Variants in NCKAP1 observed in about 807,000 individuals in gnomAD.
NCKAP1 encodes the protein nck-associated protein 1.
A neutral mutation model predicts 151.2 loss-of-function variants in NCKAP1; 21 were observed. The observed-to-expected ratio is 0.14, with a 90% CI of 0.10 to 0.20. The LOEUF (loss-of-function observed/expected upper bound fraction) is 0.20. Among genes scored for constraint, NCKAP1 ranks in the 10% least tolerant of loss-of-function variants. The probability of loss-of-function intolerance (pLI) is 1.00; values close to 1 mark genes in which losing one functional copy is unlikely to be tolerated. For synonymous variants in NCKAP1, 484 were observed against 451.8 expected, an observed-to-expected ratio of 1.07 and a Z score of -0.90; for missense variants, 933 against 1,352.1, an observed-to-expected ratio of 0.69 and a Z score of 4.86.
intron 2 of NCKAP1, among the ~76,000 whole-genome samples, chr2:183,004,689 GC>G (rs917517703): frequency 3.9e-4 from 60 of 152,040 alleles, no homozygotes; most frequent in African/African-American, 1.4e-3. Context: ...TTCGAGACCA[GC>G]CTGACCAACA....
rs562302275 is a variant in NCKAP1 at position 182,917,371 on chromosome 2, G to C, written c.*8331C>G. Reference sequence around the variant, plus strand: ...ATAAACATAAGATCAGCATATATGCGGCAACACAGCACAGTGGAAGGAACA... The same window carrying C: ...ATAAACATAAGATCAGCATATATGCCGCAACACAGCACAGTGGAAGGAACA... On this transcript the variant is annotated 3_prime_UTR_variant, in exon 31 of 31. Transcript: ENST00000361354. 1 of 152,032 alleles carries C rather than the reference G, an allele frequency of 6.6e-6. No homozygotes were observed. The highest frequency in any genetic ancestry group is 2.4e-5 in the African/African-American group (1 of 41,394). The allele number at this position is 152,032 out of a possible 1,614,324, so 9.4% of individuals were successfully genotyped here. A position where few individuals can be genotyped will look rare whatever the true frequency, so the allele number is the denominator to read the frequency against.
At chr2:182,975,052 C>T (rs1697777191) in intron 15 of NCKAP1, among the ~76,000 whole-genome samples, 1 of 152,132 alleles carries the variant, frequency 6.6e-6, no homozygotes, top group Non-Finnish European at 1.5e-5. Flanking sequence ...TTGGTTTAGG[C>T]ACTCCTATAA....
chr2:182,925,344 A>G lies in NCKAP1; in HGVS notation c.*358T>C, dbSNP rs4666601. 145,161 of 153,692 alleles carry G rather than the reference A, an allele frequency of 0.94. 68,665 individuals are homozygous for G. The highest frequency in any genetic ancestry group is 0.99 in the East Asian group (5,215 of 5,246). 9.5% of individuals were successfully genotyped at this position (153,692 alleles called of 1,614,324 possible). ...TGAAATAATTTACACACAGATGAAT[A>G]CTATAATATCACTATCTAAAATAAT... On this transcript the variant is annotated 3_prime_UTR_variant, in exon 31 of 31. Transcript: ENST00000361354.
rs142045599 is a variant in NCKAP1, at chr2:182,967,853, T to C, written c.1483-492A>G. Among the ~76,000 whole-genome samples the C allele has an allele frequency of 1.9e-3, 296 of 152,202 alleles. 1 individual carries two copies. The highest frequency in any genetic ancestry group is 6.2e-3 in the African/African-American group (257 of 41,532). On this transcript the variant is annotated intron_variant, in intron 15 of 30. Transcript: ENST00000361354. ...AGAAAAGTACTGAAGATAGTAAAAATTGGTGTAGTTTGGCCAAAAAAGTGA... is the reference window on the plus strand; with the variant it reads ...AGAAAAGTACTGAAGATAGTAAAAACTGGTGTAGTTTGGCCAAAAAAGTGA...
At chr2:183,027,705 A>T (rs1559111971) in intron 1 of NCKAP1, among the ~76,000 whole-genome samples, 1 of 152,162 alleles carries the variant, frequency 6.6e-6, no homozygotes, top group Non-Finnish European at 1.5e-5. Flanking sequence ...AAAATTTTTA[A>T]AAAAACTTTA....
intron 28 of NCKAP1, among the ~76,000 whole-genome samples, chr2:182,928,477 C>G (rs148609047): frequency 2.7e-3 from 414 of 152,180 alleles, no homozygotes; most frequent in East Asian, 0.019. Flanking sequence ...AAAGAAATCA[C>G]ACATCAGTTT....
In NCKAP1 at chr2:182,920,238, T is replaced by C. The variant is rs1298660989; in HGVS notation, c.*5464A>G. On this transcript the variant is annotated 3_prime_UTR_variant, in exon 31 of 31. Transcript: ENST00000361354. The stretch of plus-strand genomic sequence containing the variant: ...ATACCTCTGGCTCCGCCTCTCAAAG[T>C]GTTGGGATTACAGGCGTGAACCACT... The C allele has an allele frequency of 1.3e-5, 2 of 152,188 alleles. No individual in the cohort carries two copies. Among genetic ancestry groups the C allele is most frequent in the African/African-American group, 2.4e-5 (1 of 41,390 alleles). 9.4% of individuals were successfully genotyped at this position (152,188 alleles called of 1,614,324 possible). A position where few individuals can be genotyped will look rare whatever the true frequency, so the allele number is the denominator to read the frequency against.
At chr2:182,954,982 G>A (rs4591313) in intron 20 of NCKAP1, among the ~76,000 whole-genome samples, 1 of 151,930 alleles carries the variant, frequency 6.6e-6, no homozygotes, top group Non-Finnish European at 1.5e-5. Context: ...ACCCACCAAT[G>A]TCCCACCTCT....
Position 182,910,209 on chromosome 2 carries a change from C to T in NCKAP1, c.*15493G>A, listed in dbSNP as rs919142034. On this transcript the variant is annotated 3_prime_UTR_variant, in exon 31 of 31. Coordinates refer to ENST00000361354, the MANE Select transcript of NCKAP1 (RefSeq NM_013436.5). ...CAAGGAGCTGCCTCACTAAACTCTA[C>T]ATCATTTTGGAGTCCAAGTAAACCT... The T allele has an allele frequency of 6.6e-6, 1 of 152,184 alleles. No homozygotes were observed. Among genetic ancestry groups the T allele is most frequent in the African/African-American group, 2.4e-5 (1 of 41,420 alleles). The allele number at this position is 152,184 out of a possible 1,614,324, so 9.4% of individuals were successfully genotyped here.
intron 14 of NCKAP1, among the ~76,000 whole-genome samples, chr2:182,977,282 G>A (rs908536014): frequency 1.3e-5 from 2 of 152,132 alleles, no homozygotes; most frequent in African/African-American, 2.4e-5. Flanking sequence ...TAAGGGTCAG[G>A]AGTTTGAGAC....
chr2:182,965,837 T>G (rs1470229873), intron 16 of NCKAP1, among the ~76,000 whole-genome samples: 2 of 152,188 alleles, frequency 1.3e-5, no homozygotes, highest in African/African-American at 4.8e-5. Flanking sequence ...AAGGTAGACT[T>G]TGTGCCAGAC....
intron 16 of NCKAP1, among the ~76,000 whole-genome samples, chr2:182,965,199 T>C (rs1475479400): frequency 6.6e-6 from 1 of 151,594 alleles, no homozygotes; most frequent in African/African-American, 2.4e-5. Context: ...GAGACCAGCC[T>C]GGGCAATGTG....
At chr2:182,970,199 A>G (rs1329975502) in intron 15 of NCKAP1, among the ~76,000 whole-genome samples, 4 of 152,206 alleles carry the variant, frequency 2.6e-5, no homozygotes, top group South Asian at 2.1e-4. Context: ...ACTAATACCA[A>G]TTCTACTCAA....
chr2:182,962,988 G>C (rs1284521308), intron 17 of NCKAP1, among the ~76,000 whole-genome samples: 1 of 151,800 alleles, frequency 6.6e-6, no homozygotes, highest in African/African-American at 2.4e-5. Context: ...ACTTTACAAA[G>C]AAATAAAATT....
In NCKAP1 at chr2:183,038,417, T is replaced by TGGCGGCGGCGGCGGC. The variant is rs879318735; in HGVS notation, c.-333_-319dup. ...CCTTCCCCGGCTGCTCCACTAGGTG[T>TGGCGGCGGCGGCGGC]GGCGGCGGCGGCGGCGGCGGCGGCG... On this transcript the variant is annotated 5_prime_UTR_variant, in exon 1 of 31. Transcript: ENST00000361354. 6.3e-5 allele frequency: 13 copies of TGGCGGCGGCGGCGGC among 206,424 alleles called. No individual in the cohort carries two copies. Among genetic ancestry groups the TGGCGGCGGCGGCGGC allele is most frequent in the Middle Eastern group, 3.7e-3 (2 of 542 alleles). 12.8% of individuals were successfully genotyped at this position (206,424 alleles called of 1,614,324 possible).
chr2:183,009,140 G>C (rs917307195), intron 2 of NCKAP1, among the ~76,000 whole-genome samples: 1 of 152,096 alleles, frequency 6.6e-6, no homozygotes, highest in Non-Finnish European at 1.5e-5. Context: ...TTGGGAGGCC[G>C]AGGTGGGCGG....
At chr2:182,968,871 G>C (rs1018269834) in intron 15 of NCKAP1, among the ~76,000 whole-genome samples, 8 of 152,142 alleles carry the variant, frequency 5.3e-5, no homozygotes, top group Non-Finnish European at 1.0e-4. Flanking sequence ...CATGGCAAGG[G>C]ACCAATAGGT....
At position 182,928,894 on chromosome 2, in the gene NCKAP1, T is replaced by A. The variant is rs1209361435; in HGVS notation, c.2959A>T (p.Ile987Phe). ...VALSSQKSEN[I>F]SPEEEYKIAC... ...ATTTTATACTCTTCTTCTGGACTAATGTTTTCTAAGAGACAAAAATTAAGA... is the reference window on the plus strand; with the variant it reads ...ATTTTATACTCTTCTTCTGGACTAAAGTTTTCTAAGAGACAAAAATTAAGA... Residue 987 changes from isoleucine (I) to phenylalanine (F), a missense_variant, in exon 28 of 31, where the codon ATT becomes TTT. Ile to Phe is a conservative substitution (Grantham distance 21). Transcript: ENST00000361354. 1 of 1,599,050 alleles carries A rather than the reference T, an allele frequency of 6.3e-7. No individual in the cohort carries two copies. Among genetic ancestry groups the A allele is most frequent in the South Asian group, 1.1e-5 (1 of 89,350 alleles).
At position 182,953,252 on chromosome 2, in the gene NCKAP1, C is replaced by A; in HGVS notation, c.2233G>T (p.Ala745Ser). ...ATTGACTGGAGTACGGTCATGTATG[C>A]TCTTACACTTGTTAGAAGTTCTGAA... ...KPSELLTSVR[A>S]YMTVLQSIEN... Residue 745 changes from alanine to serine, a missense_variant, in exon 21 of 31, where the codon GCA becomes TCA. Coordinates refer to ENST00000361354, the MANE Select transcript of NCKAP1 (RefSeq NM_013436.5). 1 of 1,613,430 alleles carries A rather than the reference C, an allele frequency of 6.2e-7. No individual in the cohort carries two copies. The highest frequency in any genetic ancestry group is 8.5e-7 in the Non-Finnish European group (1 of 1,179,532).
Sources: gnomAD v4.1 joint callset for allele counts (sites outside exome capture counted in the v4.1 genomes callset) on GRCh38, gnomAD v4.1.1 for gene constraint, MANE v1.5 for transcripts, NCBI Gene and HGNC (gene_info 2026-07-23, HGNC 2026-07-21) for gene names.